Variants in HIPK4 observed in about 807,000 individuals in gnomAD.
HIPK4 encodes the protein homeodomain interacting protein kinase 4, also known as homeodomain-interacting protein kinase 4.
In HIPK4, 26 loss-of-function variants were observed where a neutral mutation model predicts 44.8. That is an observed-to-expected ratio of 0.58 (90% CI 0.43 to 0.80). The LOEUF (loss-of-function observed/expected upper bound fraction) is 0.80. Among genes scored for constraint, HIPK4 ranks in the 30% least tolerant of loss-of-function variants. The pLI is 0.00. For synonymous variants in HIPK4, 340 were observed against 355.5 expected, an observed-to-expected ratio of 0.96 and a Z score of 0.49; for missense variants, 729 against 862.6, an observed-to-expected ratio of 0.85 and a Z score of 1.94.
intron 2 of HIPK4, among the ~76,000 whole-genome samples, chr19:40,381,555 T>C (rs115157132): frequency 3.9e-4 from 59 of 152,302 alleles, no homozygotes; most frequent in African/African-American, 1.4e-3. Context: ...CTTCTTGCTA[T>C]AGTAGTTTGT....
In HIPK4 at chr19:40,380,051, CTA is replaced by C. The variant is rs1395051371; in HGVS notation, c.1668+270_1668+271del. 1.3e-5 allele frequency among the ~76,000 whole-genome samples: 2 copies of C among 152,148 alleles called. No homozygotes were observed. Among genetic ancestry groups the C allele is most frequent in the Non-Finnish European group, 2.9e-5 (2 of 68,034 alleles). On this transcript the variant is annotated intron_variant, in intron 3 of 3. Coordinates refer to ENST00000291823, the MANE Select transcript of HIPK4 (RefSeq NM_144685.5). This position sits in a 1 kb window ranked among gnomAD's most constrained non-coding sequence, Gnocchi z 4.2. ...ATTTTTTGGTGCAGACGGGATCTCA[CTA>C]TGTTGCCCAGGCTCTTTATCAAGCT...
intron 2 of HIPK4, among the ~76,000 whole-genome samples, chr19:40,383,107 G>A (rs1201019132): frequency 7.6e-6 from 1 of 131,540 alleles, no homozygotes; most frequent in African/African-American, 2.8e-5. Context: ...TTTTGAGACG[G>A]AGTCTCACTC....
At position 40,388,024 on chromosome 19, in the gene HIPK4, T is replaced by TC. The variant is rs562223647; in HGVS notation, c.465+1413_465+1414insG. ...CTAATTTTAGTTTAGTTTTTTTTTT[T>TC]TTTTTTCTGAGACAGAGGGACTTCC... On this transcript the variant is annotated intron_variant, in intron 1 of 3. Transcript: ENST00000291823. Among the ~76,000 whole-genome samples the TC allele has an allele frequency of 6.0e-3, 898 of 148,614 alleles. 6 individuals carry two copies. Among genetic ancestry groups the TC allele is most frequent in the Middle Eastern group, 0.01 (3 of 292 alleles).
At position 40,383,828 on chromosome 19, in the gene HIPK4, G is replaced by T. The variant is rs1477550015; in HGVS notation, c.777C>A (p.Asn259Lys). The change falls in exon 2 of 4, where the codon AAC becomes AAA. Residue 259 changes from asparagine (N) to lysine (K), a missense_variant. Around this residue, in one of 2 missense-constraint regions of HIPK4, gnomAD observed 533 missense variants for 567.5 expected, o/e 0.94. Transcript: ENST00000291823. ...FKRNPHPDAANPWQLKSSADY... is the reference protein window; with the variant it reads ...FKRNPHPDAAKPWQLKSSADY... ...CAGCCGAGGACTTGAGCTGCCAGGG[G>T]TTGGCAGCGTCAGGGTGGGGGTTGC... is the stretch of plus-strand genomic sequence containing the variant. The T allele has an allele frequency of 2.5e-6, 4 of 1,613,936 alleles. No homozygotes were observed. In the South Asian group the frequency reaches 3.3e-5, roughly 13 times the overall value.
chr19:40,384,201 C>T, intron 1 of HIPK4, 62 bp from the exon 2 acceptor site: 1 of 1,337,984 alleles, frequency 7.5e-7, no homozygotes, highest in Non-Finnish European at 1.0e-6. Context: ...CCGAGCTGGG[C>T]CACCCCGGCA....
intron 1 of HIPK4, among the ~76,000 whole-genome samples, chr19:40,387,731 A>G (rs1380481454): frequency 6.6e-6 from 1 of 152,016 alleles, no homozygotes; most frequent in Admixed American, 6.6e-5. Context: ...CACCTGCCTC[A>G]GCCTCCCAAA....
At chr19:40,384,314 T>C (rs2079352875) in intron 1 of HIPK4, among the ~76,000 whole-genome samples, 175 bp from the exon 2 acceptor site, 1 of 152,134 alleles carries the variant, frequency 6.6e-6, no homozygotes, top group Non-Finnish European at 1.5e-5. Flanking sequence ...TGTTTGTTTG[T>C]TTGTTTGAGA....
intron 1 of HIPK4, among the ~76,000 whole-genome samples, chr19:40,386,600 C>T (rs1002300075): frequency 2.0e-5 from 3 of 152,222 alleles, no homozygotes; most frequent in African/African-American, 7.2e-5. Context: ...GATCCTCCTG[C>T]CTCAGCCTCC....
chr19:40,387,561 C>T (rs983570615), intron 1 of HIPK4, among the ~76,000 whole-genome samples: 2 of 151,404 alleles, frequency 1.3e-5, no homozygotes, highest in African/African-American at 2.4e-5. Flanking sequence ...CTGCAACCTC[C>T]GCCCCCATAT....
chr19:40,386,621 G>A (rs1166728836), intron 1 of HIPK4, among the ~76,000 whole-genome samples: 1 of 152,202 alleles, frequency 6.6e-6, no homozygotes, highest in Non-Finnish European at 1.5e-5. Flanking sequence ...CAACATGCTG[G>A]GATTATAGGC....
rs779058440 is a variant in HIPK4 at position 40,380,668 on chromosome 19, C to A, written c.1323G>T (p.Leu441=). ...CCGCATTGGTGCAGGTCTCACCCCACAGCCCATGCCCAGCCTCCTGCAGAC... is the reference window on the plus strand; with the variant it reads ...CCGCATTGGTGCAGGTCTCACCCCAAAGCCCATGCCCAGCCTCCTGCAGAC... ...DLSLQEAGHG[L]WGETCTNAVS... is the part of the protein sequence containing the mutation. Residue 441 remains leucine (L), a synonymous_variant, in exon 3 of 4, where the codon CTG becomes CTT. Transcript: ENST00000291823. This position sits in a 1 kb window ranked among gnomAD's most constrained non-coding sequence, Gnocchi z 4.2. 4.3e-6 allele frequency: 7 copies of A among 1,614,058 alleles called. No individual in the cohort carries two copies. The highest frequency in any genetic ancestry group is 5.9e-6 in the Non-Finnish European group (7 of 1,179,958).
intron 1 of HIPK4, among the ~76,000 whole-genome samples, 186 bp from the exon 2 acceptor site, chr19:40,384,325 C>T (rs895048390): frequency 6.6e-6 from 1 of 151,968 alleles, no homozygotes; most frequent in East Asian, 1.9e-4. Context: ...TTGTTTGAGA[C>T]AGAGTCTCAC....
chr19:40,390,157 C>T lies in HIPK4; in HGVS notation c.-255G>A, dbSNP rs1442477637. On this transcript the variant is annotated 5_prime_UTR_variant, in exon 1 of 4. Transcript: ENST00000291823. ...TGGGATGAGGGGCCCCAGGCCCCAC[C>T]GAATGGGTTCCAGCGCTGTTGAGTG... 7.6e-6 allele frequency: 4 copies of T among 528,930 alleles called. No individual in the cohort carries two copies. Among genetic ancestry groups the T allele is most frequent in the Admixed American group, 3.1e-5 (1 of 31,764 alleles). 32.8% of individuals were successfully genotyped at this position (528,930 alleles called of 1,614,324 possible). A position where few individuals can be genotyped will look rare whatever the true frequency, so the allele number is the denominator to read the frequency against.
In HIPK4 at chr19:40,389,671, A is replaced by C. The variant is rs914216707; in HGVS notation, c.232T>G (p.Phe78Val). ...EEAHVIRFLE[F>V]FHDALKFYLV... is the part of the protein sequence containing the mutation. Reference sequence around the variant, plus strand: ...TAGAACTTGAGGGCGTCATGGAAGAACTCAAGGAAGCGGATGACGTGGGCC... The same window carrying C: ...TAGAACTTGAGGGCGTCATGGAAGACCTCAAGGAAGCGGATGACGTGGGCC... The change falls in exon 1 of 4, where the codon TTC becomes GTC. Residue 78 changes from phenylalanine (F) to valine (V), a missense_variant. Phe to Val is a conservative substitution (Grantham distance 50, BLOSUM62 -1). This residue lies in a region of HIPK4 where 196 missense variants were observed against 295.1 expected (regional missense o/e 0.66). Coordinates refer to ENST00000291823, the MANE Select transcript of HIPK4 (RefSeq NM_144685.5). This position sits in a 1 kb window ranked among gnomAD's most constrained non-coding sequence, Gnocchi z 4.6. 7.4e-6 allele frequency: 12 copies of C among 1,614,126 alleles called. No homozygotes were observed. Among genetic ancestry groups the C allele is most frequent in the Non-Finnish European group, 8.5e-6 (10 of 1,179,994 alleles).
intron 1 of HIPK4, among the ~76,000 whole-genome samples, chr19:40,386,454 C>T (rs2079363758): frequency 6.7e-6 from 1 of 149,788 alleles, no homozygotes; most frequent in Non-Finnish European, 1.5e-5. Context: ...CCAGGGCTCA[C>T]AAGATCCTCC....
chr19:40,386,552 TCTCA>T (rs1240339259), intron 1 of HIPK4, among the ~76,000 whole-genome samples: 3 of 151,976 alleles, frequency 2.0e-5, no homozygotes. Context: ...TAGAGATGGG[TCTCA>T]CTATGTTGCC....
chr19:40,389,409 C>T lies in HIPK4; in HGVS notation c.465+29G>A, dbSNP rs200181915. 4.6e-5 allele frequency: 64 copies of T among 1,392,744 alleles called. 1 individual carries two copies. The highest frequency in any genetic ancestry group is 2.3e-4 in the South Asian group (15 of 64,916). 86.3% of individuals were successfully genotyped at this position (1,392,744 alleles called of 1,614,324 possible). On this transcript the variant is annotated intron_variant, in intron 1 of 3. Transcript: ENST00000291823. The surrounding 1 kb of genome is among the most constrained non-coding windows in gnomAD (Gnocchi z 4.6). Reference sequence around the variant, plus strand: ...TGGGAAAAAGACAAGGAACTAGGGACGCAGCCACCCTAGACGACCCCTACT... The same window carrying T: ...TGGGAAAAAGACAAGGAACTAGGGATGCAGCCACCCTAGACGACCCCTACT...
At chr19:40,384,415 T>C (rs2079353411) in intron 1 of HIPK4, among the ~76,000 whole-genome samples, 1 of 152,160 alleles carries the variant, frequency 6.6e-6, no homozygotes, top group South Asian at 2.1e-4. Flanking sequence ...GCGATTCTCC[T>C]GCCTTAGCCT....
rs768475526 is a variant in HIPK4, at chr19:40,384,149, G to T, written c.466-10C>A. ...ATCCGAAGTCAATCACCTGTCGGGG[G>T]TGGGGAAGAGGGCGAGTGGGCAGGT... On this transcript the variant is annotated splice_polypyrimidine_tract_variant and intron_variant, in intron 1 of 3. Transcript: ENST00000291823. 2.6e-6 allele frequency: 4 copies of T among 1,559,600 alleles called. No homozygotes were observed. The East Asian group carries it at 9.1e-5, about 35-fold the overall frequency.
Sources: allele counts gnomAD v4.1 joint callset (sites outside exome capture counted in the v4.1 genomes callset), GRCh38; gene constraint gnomAD v4.1.1; regional missense constraint gnomAD v4.1.1; non-coding constraint Gnocchi (gnomAD v3.1); transcripts MANE v1.5; gene names NCBI Gene and HGNC (gene_info 2026-07-23, HGNC 2026-07-21).